The following SPRY4 variants were observed in gnomAD, a reference collection of about 807,000 sequenced individuals.
SPRY4 encodes sprouty RTK signaling antagonist 4.
A neutral mutation model predicts 17.0 loss-of-function variants in SPRY4; 7 were observed. The observed-to-expected ratio is 0.41, with a 90% CI of 0.23 to 0.77. The LOEUF is 0.77. Among genes scored for constraint, SPRY4 ranks in the 30% least tolerant of loss-of-function variants. The pLI is 0.32. For missense variants in SPRY4, 435 were observed against 419.9 expected, an observed-to-expected ratio of 1.04 and a Z score of -0.31; for synonymous variants, 183 against 174.1, an observed-to-expected ratio of 1.05 and a Z score of -0.40.
intron 1 of SPRY4, chr5:142,319,785 T>C (rs1759283819): frequency 6.2e-7 from 1 of 1,610,990 alleles, no homozygotes; most frequent in African/African-American, 1.3e-5. Context: ...AACCGCTCAA[T>C]ACAGGCTGGC....
chr5:142,317,931 T>A (rs1759213039), intron 1 of SPRY4: 1 of 985,220 alleles, frequency 1.0e-6, no homozygotes, highest in Non-Finnish European at 1.2e-6. Context: ...CGATGCAGCA[T>A]CCGATGGCTC....
Position 142,313,000 on chromosome 5 carries a change from T to TGTAG in SPRY4, c.*1208_*1209insCTAC, listed in dbSNP as rs1403246291. ...ATCATCTCTCTATTTACATTAAAGA[T>TGTAG]ACAGACACATCACTATACACAAAAG... On this transcript the variant is annotated 3_prime_UTR_variant, in exon 2 of 2. Coordinates refer to ENST00000434127, the MANE Select transcript of SPRY4 (RefSeq NM_001127496.3). 6.6e-6 allele frequency: 1 copy of TGTAG among 152,582 alleles called. No homozygotes were observed. Among genetic ancestry groups the TGTAG allele is most frequent in the East Asian group, 1.9e-4 (1 of 5,192 alleles). The allele number at this position is 152,582 out of a possible 1,614,324, so 9.5% of individuals were successfully genotyped here.
Position 142,314,951 on chromosome 5 carries a change from A to G in SPRY4, c.158T>C (p.Ile53Thr). 1 of 1,614,074 alleles carries G rather than the reference A, an allele frequency of 6.2e-7. No homozygotes were observed. Among genetic ancestry groups the G allele is most frequent in the South Asian group, 1.1e-5 (1 of 91,078 alleles). ...VKTSHVENDYIDNPSLALTTG... is the reference protein window; with the variant it reads ...VKTSHVENDYTDNPSLALTTG... ...GGTCAGGGCCAGGCTAGGGTTGTCT[A>G]TGTAGTCATTCTCCACATGGCTGGT... Residue 53 changes from isoleucine (I) to threonine (T), a missense_variant, in exon 2 of 2, where the codon ATA becomes ACA. Coordinates refer to ENST00000434127, the MANE Select transcript of SPRY4 (RefSeq NM_001127496.3). This position sits in a 1 kb window ranked among gnomAD's most constrained non-coding sequence, Gnocchi z 4.8.
At position 142,315,097 on chromosome 5, in the gene SPRY4, C is replaced by CGG; in HGVS notation, c.10_11dup (p.Ile5ArgfsTer8). ...GAGTCAAGGGGGCGCTCTGTGGGAT[C>CGG]GGGGGCTCCATGGGGCTGGAGGTCC... On this transcript the variant is annotated frameshift_variant, in exon 2 of 2. Transcript: ENST00000434127. LOFTEE classifies it high-confidence loss of function. The CGG allele has an allele frequency of 6.3e-7, 1 of 1,594,322 alleles. No homozygotes were observed. Among genetic ancestry groups the CGG allele is most frequent in the Non-Finnish European group, 8.5e-7 (1 of 1,171,946 alleles).
intron 1 of SPRY4, chr5:142,317,319 C>T: frequency 1.0e-6 from 1 of 985,390 alleles, no homozygotes; most frequent in Non-Finnish European, 1.2e-6. Context: ...GTTAGGAGCC[C>T]AAGGTCCAGC....
rs1406473817 is a variant in SPRY4 at position 142,312,529 on chromosome 5, G to T, written c.*1680C>A. On this transcript the variant is annotated 3_prime_UTR_variant, in exon 2 of 2. Coordinates refer to ENST00000434127, the MANE Select transcript of SPRY4 (RefSeq NM_001127496.3). Reference sequence around the variant, plus strand: ...GCCTATCATAGCTACCTACCTCGCTGCCTCCTTCCCGGAGGCACCTCTGTT... The same window carrying T: ...GCCTATCATAGCTACCTACCTCGCTTCCTCCTTCCCGGAGGCACCTCTGTT... 3 of 152,146 alleles carry T rather than the reference G, an allele frequency of 2.0e-5. No homozygotes were observed. The highest frequency in any genetic ancestry group is 2.9e-5 in the Non-Finnish European group (2 of 68,020). 9.4% of individuals were successfully genotyped at this position (152,146 alleles called of 1,614,324 possible).
Position 142,316,978 on chromosome 5 carries a change from T to G in SPRY4, c.-47-1823A>C. On this transcript the variant is annotated intron_variant, in intron 1 of 1. Transcript: ENST00000434127. Reference sequence around the variant, plus strand: ...CCTGTCTTGGAGAAAGCCTACCTAGTGGCAGTGCCTGCCCCCATGTTCTCT... The same window carrying G: ...CCTGTCTTGGAGAAAGCCTACCTAGGGGCAGTGCCTGCCCCCATGTTCTCT... 3 of 982,946 alleles carry G rather than the reference T, an allele frequency of 3.1e-6. No individual in the cohort carries two copies. In the East Asian group the frequency reaches 3.4e-4, roughly 112 times the overall value. The allele number at this position is 982,946 out of a possible 1,614,324, so 60.9% of individuals were successfully genotyped here.
chr5:142,323,309 T>A (rs2151749739), intron 1 of SPRY4, among the ~76,000 whole-genome samples: 2 of 152,316 alleles, frequency 1.3e-5, no homozygotes, highest in South Asian at 4.1e-4. Flanking sequence ...CCCGCCCCTC[T>A]GCAAGTTCTT....
chr5:142,321,106 C>T (rs1038021289), intron 1 of SPRY4, among the ~76,000 whole-genome samples: 3 of 152,174 alleles, frequency 2.0e-5, no homozygotes, highest in Non-Finnish European at 2.9e-5. Context: ...GTCAGCTGTC[C>T]GGATCTGCAG....
chr5:142,322,204 C>T (rs1759365388), intron 1 of SPRY4, among the ~76,000 whole-genome samples: 1 of 152,106 alleles, frequency 6.6e-6, no homozygotes, highest in Admixed American at 6.5e-5. Flanking sequence ...TGAGGCCGGG[C>T]GTGGTGGCTC....
At chr5:142,320,699 G>A (rs1267751277) in intron 1 of SPRY4, among the ~76,000 whole-genome samples, 1 of 152,212 alleles carries the variant, frequency 6.6e-6, no homozygotes, top group East Asian at 1.9e-4. Context: ...TACTGGCCAA[G>A]TCCAGGTCTG....
chr5:142,321,858 T>C (rs1759353133), intron 1 of SPRY4, among the ~76,000 whole-genome samples: 1 of 152,094 alleles, frequency 6.6e-6, no homozygotes. Flanking sequence ...GGGGCACAAA[T>C]CTTGGAGCTA....
At chr5:142,319,576 G>T (rs1248333456) in intron 1 of SPRY4, among the ~76,000 whole-genome samples, 1 of 152,158 alleles carries the variant, frequency 6.6e-6, no homozygotes, top group Non-Finnish European at 1.5e-5. Context: ...CATTGATGGG[G>T]TCCCTGGCCC....
chr5:142,320,675 CAT>C (rs1561653418), intron 1 of SPRY4, among the ~76,000 whole-genome samples: 1 of 152,202 alleles, frequency 6.6e-6, no homozygotes, highest in African/African-American at 2.4e-5. Context: ...TAACCACTGG[CAT>C]AGTTTGGGAA....
intron 1 of SPRY4, among the ~76,000 whole-genome samples, chr5:142,319,386 AGT>A (rs1759268361): frequency 6.6e-6 from 1 of 152,188 alleles, no homozygotes; most frequent in Admixed American, 6.5e-5. Flanking sequence ...ACTCCAGTTC[AGT>A]GTTACATGCC....
At chr5:142,320,478 A>C (rs1179687507) in intron 1 of SPRY4, among the ~76,000 whole-genome samples, 1 of 152,140 alleles carries the variant, frequency 6.6e-6, no homozygotes, top group Non-Finnish European at 1.5e-5. Context: ...TTTCACAGCC[A>C]ATCAGCTGAG....
At chr5:142,317,903 G>A (rs1265021410) in intron 1 of SPRY4, 2 of 985,284 alleles carry the variant, frequency 2.0e-6, no homozygotes, top group Non-Finnish European at 2.4e-6. Flanking sequence ...GGCCCACGAT[G>A]ACTTGGCTCT....
At chr5:142,315,708 GTT>G (rs1759126696) in intron 1 of SPRY4, 1 of 152,580 alleles carries the variant, frequency 6.6e-6, no homozygotes, top group African/African-American at 2.4e-5. Flanking sequence ...TTAGATTTTG[GTT>G]TTGTCATCTG....
Position 142,310,785 on chromosome 5 carries a change from C to T in SPRY4, c.*3424G>A, listed in dbSNP as rs1449594988. 2 of 151,668 alleles carry T rather than the reference C, an allele frequency of 1.3e-5. No individual in the cohort carries two copies. Among genetic ancestry groups the T allele is most frequent in the Non-Finnish European group, 2.9e-5 (2 of 68,040 alleles). 9.4% of individuals were successfully genotyped at this position (151,668 alleles called of 1,614,324 possible). On this transcript the variant is annotated 3_prime_UTR_variant, in exon 2 of 2. Coordinates refer to ENST00000434127, the MANE Select transcript of SPRY4 (RefSeq NM_001127496.3). ...TTACCCACAGCAGAAAATGGCAACG[C>T]AAGATTCATCATCGACTGTCACAGT... is the stretch of plus-strand genomic sequence containing the variant.
Sources: gnomAD v4.1 joint callset for allele counts (sites outside exome capture counted in the v4.1 genomes callset) on GRCh38, gnomAD v4.1.1 for gene constraint, Gnocchi (gnomAD v3.1) non-coding constraint, MANE v1.5 for transcripts, NCBI Gene and HGNC (gene_info 2026-07-23, HGNC 2026-07-21) for gene names.